The following LRIG1 variants were observed in gnomAD, a reference collection of about 807,000 sequenced individuals.
The protein encoded by LRIG1 is leucine-rich repeats and immunoglobulin-like domains protein 1.
A neutral mutation model predicts 99.2 loss-of-function variants in LRIG1; 48 were observed. The observed-to-expected ratio is 0.48, with a 90% confidence interval of 0.38 to 0.62. The LOEUF (loss-of-function observed/expected upper bound fraction) is 0.62. Among genes scored for constraint, LRIG1 ranks in the 20% least tolerant of loss-of-function variants. The probability of loss-of-function intolerance (pLI) is 0.00; values close to 1 mark genes in which losing one functional copy is unlikely to be tolerated. For synonymous variants in LRIG1, 772 were observed against 596.1 expected (o/e 1.29, Z -4.30); for missense variants, 1,646 against 1,434.4 (o/e 1.15, Z -2.38).
rs9858545 is a variant in LRIG1, at chr3:66,405,674, T to C, written c.1080-396A>G. On this transcript the variant is annotated intron_variant, in intron 8 of 18. Coordinates refer to ENST00000273261, the MANE Select transcript of LRIG1 (RefSeq NM_015541.3). ...CTCATACCAACCAGAGTCCCTTTTCTGGACATGACCGAGAAACTGCAGAAA... is the reference window on the plus strand; with the variant it reads ...CTCATACCAACCAGAGTCCCTTTTCCGGACATGACCGAGAAACTGCAGAAA... The C allele has an allele frequency of 9.4e-3, 10,072 of 1,070,820 alleles. 704 individuals carry two copies. The African/African-American group carries it at 0.15, about 16-fold the overall frequency. 66.3% of individuals were successfully genotyped at this position (1,070,820 alleles called of 1,614,324 possible). A position where few individuals can be genotyped will look rare whatever the true frequency, so the allele number is the denominator to read the frequency against.
intron 9 of LRIG1, among the ~76,000 whole-genome samples, chr3:66,404,750 C>A (rs1390718022): frequency 6.6e-6 from 1 of 152,126 alleles, no homozygotes; most frequent in African/African-American, 2.4e-5. Flanking sequence ...GCTGCTACTA[C>A]GACCCTTGGA....
chr3:66,383,418 G>C lies in LRIG1; in HGVS notation c.2072-17C>G. The stretch of plus-strand genomic sequence containing the variant: ...ATGGGGTCTCTACAAGAGAGCAACA[G>C]AGATCTTAGTCATTCTCAGGGCCTC... On this transcript the variant is annotated splice_polypyrimidine_tract_variant and intron_variant, in intron 14 of 18. Transcript: ENST00000273261. The C allele has an allele frequency of 1.3e-6, 2 of 1,527,664 alleles. No homozygotes were observed. The highest frequency in any genetic ancestry group is 1.4e-5 in the African/African-American group (1 of 72,682). The allele number at this position is 1,527,664 out of a possible 1,614,324, so 94.6% of individuals were successfully genotyped here. A position where few individuals can be genotyped will look rare whatever the true frequency, so the allele number is the denominator to read the frequency against.
intron 1 of LRIG1, among the ~76,000 whole-genome samples, chr3:66,492,725 T>C (rs997787483): frequency 1.3e-5 from 2 of 152,188 alleles, no homozygotes; most frequent in Admixed American, 6.5e-5. Flanking sequence ...TCCTGGTTCA[T>C]AAGGAAACCA....
intron 2 of LRIG1, among the ~76,000 whole-genome samples, chr3:66,452,179 T>C (rs1158622879): frequency 6.6e-6 from 1 of 152,230 alleles, no homozygotes; most frequent in Non-Finnish European, 1.5e-5. Context: ...AGCTGGACTC[T>C]GATGAAGCCT....
At chr3:66,484,435 T>C (rs189957255) in intron 1 of LRIG1, among the ~76,000 whole-genome samples, 50 of 152,306 alleles carry the variant, frequency 3.3e-4, no homozygotes, top group Admixed American at 3.2e-3. Context: ...AAAACTTCTA[T>C]ACATAGCACT....
At chr3:66,390,788 T>C (rs566987935) in intron 12 of LRIG1, among the ~76,000 whole-genome samples, 11 of 152,140 alleles carry the variant, frequency 7.2e-5, no homozygotes, top group Non-Finnish European at 1.3e-4. Flanking sequence ...ATCAAAAGCA[T>C]ACGTAATAAA....
chr3:66,496,693 T>C (rs1324882453), intron 1 of LRIG1, among the ~76,000 whole-genome samples: 3 of 152,100 alleles, frequency 2.0e-5, no homozygotes, highest in East Asian at 1.9e-4. Flanking sequence ...TTAAGTGATA[T>C]GGAGAAGGAA....
At position 66,415,009 on chromosome 3, in the gene LRIG1, C is replaced by G; in HGVS notation, c.558G>C (p.Leu186=). The stretch of plus-strand genomic sequence containing the variant: ...GGCGAAGAGTTAGCAGCGACCGTGA[C>G]AGACCATCAAATGCTCCCAACTCCA... ...GTLELGAFDG[L]SRSLLTLRLS... The change falls in exon 5 of 19, where the codon CTG becomes CTC. Residue 186 remains leucine, a synonymous_variant. Coordinates refer to ENST00000273261, the MANE Select transcript of LRIG1 (RefSeq NM_015541.3). 1 of 1,612,774 alleles carries G rather than the reference C, an allele frequency of 6.2e-7. No homozygotes were observed. The highest frequency in any genetic ancestry group is 8.5e-7 in the Non-Finnish European group (1 of 1,179,364).
In LRIG1 at chr3:66,379,501, TAAG is replaced by T. The variant is rs1264763339; in HGVS notation, c.*759_*761del. The T allele has an allele frequency of 5.9e-5, 9 of 152,300 alleles. No homozygotes were observed. The highest frequency in any genetic ancestry group is 2.1e-4 in the South Asian group (1 of 4,826). 9.4% of individuals were successfully genotyped at this position (152,300 alleles called of 1,614,324 possible). A position where few individuals can be genotyped will look rare whatever the true frequency, so the allele number is the denominator to read the frequency against. On this transcript the variant is annotated 3_prime_UTR_variant, in exon 19 of 19. Transcript: ENST00000273261. ...GGCCACATTTGCTTTTATCATAAAA[TAAG>T]AGGAGGAGGAAAGGCAGTGTTTAAC...
rs1701217252 is a variant in LRIG1, at chr3:66,495,939, G to A, written c.218+4251C>T. Among the ~76,000 whole-genome samples the A allele has an allele frequency of 2.6e-5, 4 of 152,192 alleles. No individual in the cohort carries two copies. The South Asian group carries it at 8.3e-4, about 31-fold the overall frequency. On this transcript the variant is annotated intron_variant, in intron 1 of 18. Transcript: ENST00000273261. ...AAGGTCAGCCAGAGGCCGTCCCAAT[G>A]GACTCAGGGAAGCTGCAGGGAGAAC... is the stretch of plus-strand genomic sequence containing the variant.
At chr3:66,423,330 G>A (rs1343298381) in intron 3 of LRIG1, among the ~76,000 whole-genome samples, 1 of 152,166 alleles carries the variant, frequency 6.6e-6, no homozygotes, top group Non-Finnish European at 1.5e-5. Flanking sequence ...CAGCACTTTA[G>A]GAGGCTGAGG....
rs577741746 is a variant in LRIG1, at chr3:66,439,494, C to A, written c.365+12065G>T. Among the ~76,000 whole-genome samples, 250 of 152,200 alleles carry A rather than the reference C, an allele frequency of 1.6e-3. 1 individual carries two copies. Among genetic ancestry groups the A allele is most frequent in the Middle Eastern group, 3.4e-3 (1 of 294 alleles). ...ACAATTATCCAACTCAATTTTAGCA[C>A]CAGAACTTTGCTATATTACAATAAA... On this transcript the variant is annotated intron_variant, in intron 3 of 18. Transcript: ENST00000273261.
rs1184392230 is a variant in LRIG1, at chr3:66,379,494, CATAAA to C, written c.*764_*768del. 2 of 152,148 alleles carry C rather than the reference CATAAA, an allele frequency of 1.3e-5. No individual in the cohort carries two copies. Among genetic ancestry groups the C allele is most frequent in the Non-Finnish European group, 2.9e-5 (2 of 68,034 alleles). 9.4% of individuals were successfully genotyped at this position (152,148 alleles called of 1,614,324 possible). On this transcript the variant is annotated 3_prime_UTR_variant, in exon 19 of 19. Transcript: ENST00000273261. ...CTGAGAAGGCCACATTTGCTTTTAT[CATAAA>C]ATAAGAGGAGGAGGAAAGGCAGTGT...
At chr3:66,389,642 A>G (rs1701537516) in intron 12 of LRIG1, among the ~76,000 whole-genome samples, 1 of 152,196 alleles carries the variant, frequency 6.6e-6, no homozygotes, top group Non-Finnish European at 1.5e-5. Flanking sequence ...TGATAAATAC[A>G]TATATACCTA....
chr3:66,426,167 G>A (rs1481504813), intron 3 of LRIG1, among the ~76,000 whole-genome samples: 1 of 152,208 alleles, frequency 6.6e-6, no homozygotes, highest in African/African-American at 2.4e-5. Flanking sequence ...TTCTACACCA[G>A]GGGCCAGCAA....
intron 2 of LRIG1, among the ~76,000 whole-genome samples, chr3:66,458,845 C>T (rs756486792): frequency 5.9e-5 from 9 of 152,020 alleles, no homozygotes; most frequent in Non-Finnish European, 1.2e-4. Context: ...GGTGAAATCT[C>T]ATCTCTATCT....
At chr3:66,394,015 G>A (rs2107968064) in intron 12 of LRIG1, 25 bp downstream of exon 12, 1 of 1,612,960 alleles carries the variant, frequency 6.2e-7, no homozygotes, top group Non-Finnish European at 8.5e-7. Context: ...ATGAAGGAGA[G>A]AAAAAGTTAC....
In LRIG1 at chr3:66,414,831, AG is replaced by A. The variant is rs1228929275; in HGVS notation, c.647+88del. 20 of 1,270,170 alleles carry A rather than the reference AG, an allele frequency of 1.6e-5. No homozygotes were observed. In the East Asian group the frequency reaches 4.1e-4, roughly 26 times the overall value. 78.7% of individuals were successfully genotyped at this position (1,270,170 alleles called of 1,614,324 possible). On this transcript the variant is annotated intron_variant, in intron 5 of 18. Coordinates refer to ENST00000273261, the MANE Select transcript of LRIG1 (RefSeq NM_015541.3). ...GAGCTTTACCAAATGGAGCAAGGAA[AG>A]GGTGGCGTTTGGTACGAGGTCCTTG...
intron 1 of LRIG1, among the ~76,000 whole-genome samples, chr3:66,491,769 A>G (rs1394939860): frequency 6.6e-6 from 1 of 152,246 alleles, no homozygotes; most frequent in East Asian, 1.9e-4. Context: ...GGGCAGCAGC[A>G]TATTGGGAAA....
Sources: allele counts gnomAD v4.1 joint callset (sites outside exome capture counted in the v4.1 genomes callset), GRCh38; gene constraint gnomAD v4.1.1; transcripts MANE v1.5; gene names NCBI Gene and HGNC (gene_info 2026-07-23, HGNC 2026-07-21).